Variants in TTLL11 observed in about 807,000 individuals in gnomAD.
TTLL11 encodes tubulin polyglutamylase TTLL11.
In TTLL11, 42 loss-of-function variants were observed where a neutral mutation model predicts 51.7. The observed-to-expected ratio is 0.81, with a 90% confidence interval of 0.64 to 1.05. The LOEUF is 1.05. Among genes scored for constraint, TTLL11 ranks in the 50% least tolerant of loss-of-function variants. The pLI is 0.00. For missense variants in TTLL11, 799 were observed against 940.4 expected (o/e 0.85, Z 1.97); for synonymous variants, 381 against 383.5 (o/e 0.99, Z 0.08).
In TTLL11 at chr9:121,870,612, C is replaced by T. The variant is rs571306604; in HGVS notation, c.1618G>A (p.Ala540Thr). The T allele has an allele frequency of 2.6e-6, 4 of 1,551,726 alleles. No homozygotes were observed. The highest frequency in any genetic ancestry group is 1.2e-5 in the South Asian group (1 of 84,054). The part of the protein sequence containing the change: ...ICLKQVFPKY[A>T]KQFNYLRLVD... ...AGGCGCAGGTAGTTGAACTGTTTTG[C>T]GTACTTGGGGAACACCTGCTTGAGG... The change falls in exon 7 of 9, where the codon GCA becomes ACA. Residue 540 changes from alanine (A) to threonine (T), a missense_variant. This residue lies in a region of TTLL11 where 468 missense variants were observed against 612.8 expected (regional missense o/e 0.76). Coordinates refer to ENST00000321582, the MANE Select transcript of TTLL11 (RefSeq NM_001139442.2).
At chr9:121,844,178 A>C (rs765280469) in intron 8 of TTLL11, among the ~76,000 whole-genome samples, 6 of 152,228 alleles carry the variant, frequency 3.9e-5, no homozygotes, top group African/African-American at 2.4e-5. Context: ...CCAGCACCTT[A>C]TCACCACATC....
rs529318286 is a variant in TTLL11, at chr9:121,841,589, C to T, written c.1841-18710G>A. On this transcript the variant is annotated intron_variant, in intron 8 of 8. Coordinates refer to ENST00000321582, the MANE Select transcript of TTLL11 (RefSeq NM_001139442.2). ...GAGGTGAGCTCCCTTTCTCTAGAGG[C>T]TGCTTGGGGCCTCCCGGGCTGAGGA... 2.6e-5 allele frequency among the ~76,000 whole-genome samples: 4 copies of T among 152,264 alleles called. 1 individual carries two copies. The South Asian group carries it at 6.2e-4, about 24-fold the overall frequency.
In TTLL11 at chr9:121,822,697, G is replaced by A. The variant is rs771039843; in HGVS notation, c.2023C>T (p.Arg675Cys). The A allele has an allele frequency of 2.3e-5, 36 of 1,549,298 alleles. No individual in the cohort carries two copies. Among genetic ancestry groups the A allele is most frequent in the South Asian group, 1.2e-4 (10 of 83,906 alleles). ...GVPSGGRPPH[R>C]GPPQEPSPSA... is the part of the protein sequence containing the mutation. ...GGGGAGGGCTCCTGGGGAGGGCCACGGTGTGGGGGCCGGCCCCCCGACGGG... is the reference window on the plus strand; with the variant it reads ...GGGGAGGGCTCCTGGGGAGGGCCACAGTGTGGGGGCCGGCCCCCCGACGGG... The change falls in exon 9 of 9, where the codon CGT becomes TGT. Residue 675 changes from arginine (R) to cysteine (C), a missense_variant. Arg to Cys is a radical substitution (Grantham distance 180). Around this residue, in one of 3 missense-constraint regions of TTLL11, gnomAD observed 165 missense variants for 166.1 expected, o/e 0.99. Coordinates refer to ENST00000321582, the MANE Select transcript of TTLL11 (RefSeq NM_001139442.2). This position sits in a 1 kb window ranked among gnomAD's most constrained non-coding sequence, Gnocchi z 5.8.
At chr9:121,826,217 T>TATATATACACACACAC (rs1491163835) in intron 8 of TTLL11, among the ~76,000 whole-genome samples, 2 of 58,102 alleles carry the variant, frequency 3.4e-5, no homozygotes, top group African/African-American at 1.5e-4. Flanking sequence ...TATATATATA[T>TATATATACACACACAC]GCACACATAT....
chr9:121,859,011 G>A (rs566014608), intron 8 of TTLL11, among the ~76,000 whole-genome samples: 8 of 152,244 alleles, frequency 5.3e-5, no homozygotes, highest in South Asian at 2.1e-4. Flanking sequence ...AGGGTGCTGC[G>A]GGCTCACAGT....
chr9:122,037,952 C>T (rs770855407), intron 2 of TTLL11, among the ~76,000 whole-genome samples: 8 of 152,016 alleles, frequency 5.3e-5, no homozygotes, highest in East Asian at 1.9e-4. Context: ...TTCTGCAATG[C>T]GTTTTCTTAA....
At chr9:122,041,444 G>C (rs1844843267) in intron 1 of TTLL11, among the ~76,000 whole-genome samples, 1 of 152,198 alleles carries the variant, frequency 6.6e-6, no homozygotes, top group Non-Finnish European at 1.5e-5. Context: ...GCAAGAGAAA[G>C]ATATAGAAGG....
chr9:122,009,234 AT>A (rs1255921425), intron 3 of TTLL11, among the ~76,000 whole-genome samples: 1 of 152,214 alleles, frequency 6.6e-6, no homozygotes, highest in African/African-American at 2.4e-5. Flanking sequence ...CTGCATGTTA[AT>A]TAGCTCAATT....
At chr9:121,895,029 C>T (rs998703970) in intron 6 of TTLL11, among the ~76,000 whole-genome samples, 2 of 152,016 alleles carry the variant, frequency 1.3e-5, no homozygotes, top group African/African-American at 4.8e-5. Context: ...CAGGAATAAA[C>T]TGATTAAAGC....
intron 3 of TTLL11, among the ~76,000 whole-genome samples, chr9:122,005,417 T>C (rs1843614766): frequency 1.3e-5 from 2 of 152,180 alleles, no homozygotes; most frequent in African/African-American, 2.4e-5. Flanking sequence ...AATAACCCCA[T>C]TGATAATTCT....
At chr9:122,022,824 T>C in intron 3 of TTLL11, among the ~76,000 whole-genome samples, 1 of 152,130 alleles carries the variant, frequency 6.6e-6, no homozygotes, top group Non-Finnish European at 1.5e-5. Flanking sequence ...GAGTTTATAA[T>C]AAGTATAAAA....
intron 8 of TTLL11, among the ~76,000 whole-genome samples, chr9:121,831,197 C>T (rs1051212224): frequency 1.3e-5 from 2 of 152,202 alleles, no homozygotes; most frequent in African/African-American, 4.8e-5. Context: ...ACATTTTACA[C>T]ATAAAATAAT....
chr9:121,901,010 A>G (rs1167819649), intron 6 of TTLL11, among the ~76,000 whole-genome samples: 1 of 152,088 alleles, frequency 6.6e-6, no homozygotes, highest in Non-Finnish European at 1.5e-5. Context: ...CCTGGACTCA[A>G]GAGATCCTCC....
rs1405362852 is a variant in TTLL11, at chr9:122,092,995, C to G, written c.154G>C (p.Glu52Gln). 1 of 1,549,078 alleles carries G rather than the reference C, an allele frequency of 6.5e-7. No individual in the cohort carries two copies. Among genetic ancestry groups the G allele is most frequent in the East Asian group, 2.5e-5 (1 of 40,272 alleles). Residue 52 changes from glutamate (E) to glutamine (Q), a missense_variant, in exon 1 of 9, where the codon GAG (glutamate) becomes CAG (glutamine). By Grantham distance (29) the Glu-to-Gln change is conservative. Coordinates refer to ENST00000321582, the MANE Select transcript of TTLL11 (RefSeq NM_001139442.2). ...GGCTGCTCCTCCCCTGCCTTGCACT[C>G]CGGTTCCCCGGCCGCGCCCGCGTCC... is the stretch of plus-strand genomic sequence containing the variant. Reference protein sequence around the residue: ...RVDAGAAGEPECKAGEEQPKV... With the variant: ...RVDAGAAGEPQCKAGEEQPKV...
chr9:121,960,473 C>T (rs1842185560), intron 6 of TTLL11, among the ~76,000 whole-genome samples: 1 of 152,098 alleles, frequency 6.6e-6, no homozygotes, highest in African/African-American at 2.4e-5. Flanking sequence ...CCAAGATTTG[C>T]TTCCTTGGCT....
intron 8 of TTLL11, among the ~76,000 whole-genome samples, chr9:121,858,072 A>G (rs1213936133): frequency 6.6e-6 from 1 of 152,046 alleles, no homozygotes. Context: ...TCACATGAGC[A>G]CTCTCAGTCC....
At position 122,033,364 on chromosome 9, in the gene TTLL11, C is replaced by T. The variant is rs181532444; in HGVS notation, c.560-1508G>A. On this transcript the variant is annotated intron_variant, in intron 2 of 8. Transcript: ENST00000321582. ...CTGACCTCAGGTGATCCACCCCCCT[C>T]GGCCTCCCAAAGTGCTGGGATTACA... is the stretch of plus-strand genomic sequence containing the variant. Among the ~76,000 whole-genome samples, 8 of 152,118 alleles carry T rather than the reference C, an allele frequency of 5.3e-5. No homozygotes were observed. In the East Asian group the frequency reaches 1.2e-3, roughly 22 times the overall value.
At chr9:121,926,382 A>G (rs570911621) in intron 6 of TTLL11, among the ~76,000 whole-genome samples, 1 of 152,352 alleles carries the variant, frequency 6.6e-6, no homozygotes, top group Admixed American at 6.5e-5. Flanking sequence ...TTTAGAATCC[A>G]AAAATAACTC....
intron 3 of TTLL11, among the ~76,000 whole-genome samples, chr9:122,009,157 T>C (rs1486286532): frequency 6.6e-6 from 1 of 152,120 alleles, no homozygotes; most frequent in South Asian, 2.1e-4. Flanking sequence ...TTCTTGAAAA[T>C]TGCTACTAAG....
Sources: gnomAD v4.1 joint callset for allele counts (sites outside exome capture counted in the v4.1 genomes callset) on GRCh38, gnomAD v4.1.1 for gene constraint, gnomAD v4.1.1 regional missense constraint, Gnocchi (gnomAD v3.1) non-coding constraint, MANE v1.5 for transcripts, NCBI Gene and HGNC (gene_info 2026-07-23, HGNC 2026-07-21) for gene names.